Variants in APBB1IP observed in about 807,000 individuals in gnomAD.
APBB1IP encodes the protein amyloid beta A4 precursor protein-binding family B member 1-interacting protein.
In APBB1IP, 27 loss-of-function variants were observed where a neutral mutation model predicts 64.9. The observed-to-expected ratio is 0.42, with a 90% CI of 0.31 to 0.57. APBB1IP has a LOEUF of 0.57. Among genes scored for constraint, APBB1IP ranks in the 20% least tolerant of loss-of-function variants. The pLI is 0.20. For missense variants in APBB1IP, 812 were observed against 845.5 expected (o/e 0.96, Z 0.49); for synonymous variants, 392 against 331.0 (o/e 1.18, Z -2.00).
intron 11 of APBB1IP, among the ~76,000 whole-genome samples, chr10:26,551,002 A>G (rs1209953893): frequency 5.9e-5 from 9 of 152,226 alleles, no homozygotes; most frequent in Admixed American, 5.9e-4. Context: ...TTCAAACTGC[A>G]TGGGCCCTGG....
At chr10:26,459,540 T>G (rs980153286) in intron 2 of APBB1IP, among the ~76,000 whole-genome samples, 18 of 152,186 alleles carry the variant, frequency 1.2e-4, no homozygotes, top group African/African-American at 4.1e-4. Context: ...TTGAACTAGT[T>G]TACAGTCCCA....
chr10:26,466,637 C>T (rs935058938), intron 2 of APBB1IP, among the ~76,000 whole-genome samples: 2 of 152,054 alleles, frequency 1.3e-5, no homozygotes, highest in African/African-American at 4.8e-5. Flanking sequence ...CTCGGCCCCA[C>T]AAAAAATTTA....
chr10:26,442,405 G>C (rs924286105), intron 2 of APBB1IP, among the ~76,000 whole-genome samples: 1 of 152,202 alleles, frequency 6.6e-6, no homozygotes, highest in African/African-American at 2.4e-5. Flanking sequence ...AGCAAGCAGT[G>C]AGTTTAATAT....
chr10:26,445,455 T>C (rs60347004), intron 2 of APBB1IP, among the ~76,000 whole-genome samples: 4,688 of 150,872 alleles, frequency 0.031, 234 homozygotes, highest in African/African-American at 0.11. Flanking sequence ...CTTGCTGTGT[T>C]GCCCAGGCTG....
chr10:26,498,825 A>G (rs1179888723), intron 4 of APBB1IP, among the ~76,000 whole-genome samples: 2 of 152,260 alleles, frequency 1.3e-5, no homozygotes, highest in East Asian at 1.9e-4. Context: ...GAATCAAGAT[A>G]TACACATGTG....
At chr10:26,541,841 A>C (rs537714588) in intron 11 of APBB1IP, 149 bp downstream of exon 11, 2 of 552,476 alleles carry the variant, frequency 3.6e-6, no homozygotes, top group East Asian at 3.3e-5. Flanking sequence ...ATTTCTATCA[A>C]TTTGGGACAT....
chr10:26,512,814 G>A (rs776398292), intron 7 of APBB1IP, among the ~76,000 whole-genome samples: 1 of 152,174 alleles, frequency 6.6e-6, no homozygotes, highest in Non-Finnish European at 1.5e-5. Context: ...AGCTGGGTGG[G>A]ACGGAGAATT....
intron 2 of APBB1IP, among the ~76,000 whole-genome samples, chr10:26,466,217 G>C (rs1442372891): frequency 6.6e-6 from 1 of 152,126 alleles, no homozygotes; most frequent in Admixed American, 6.6e-5. Context: ...CGAGGCAGCT[G>C]GGCTTCCAGA....
chr10:26,565,899 C>G (rs1223790705), intron 14 of APBB1IP, among the ~76,000 whole-genome samples: 1 of 152,186 alleles, frequency 6.6e-6, no homozygotes, highest in Non-Finnish European at 1.5e-5. Flanking sequence ...GGGAACTACT[C>G]TGTCCTTGGT....
chr10:26,556,686 C>T (rs1836898635), intron 11 of APBB1IP, among the ~76,000 whole-genome samples: 2 of 152,302 alleles, frequency 1.3e-5, no homozygotes, highest in East Asian at 1.9e-4. Context: ...GTTGCAAACA[C>T]GATGAGATTT....
At chr10:26,535,922 A>G in intron 9 of APBB1IP, 152 bp from the exon 10 acceptor site, 1 of 709,804 alleles carries the variant, frequency 1.4e-6, no homozygotes. Flanking sequence ...TCTTCTGGCA[A>G]ATAGCATATA....
intron 11 of APBB1IP, among the ~76,000 whole-genome samples, chr10:26,551,832 C>T (rs1836834346): frequency 6.6e-6 from 1 of 152,024 alleles, no homozygotes; most frequent in African/African-American, 2.4e-5. Flanking sequence ...CTATTGTGTT[C>T]CAGAGCTTGG....
intron 8 of APBB1IP, among the ~76,000 whole-genome samples, chr10:26,516,526 A>G (rs548270845): frequency 2.2e-4 from 28 of 124,958 alleles, no homozygotes; most frequent in African/African-American, 7.6e-4. Context: ...CCTGGGTGAC[A>G]GAGCAAGACT....
At chr10:26,485,516 C>T (rs149939129) in intron 2 of APBB1IP, among the ~76,000 whole-genome samples, 1 of 152,342 alleles carries the variant, frequency 6.6e-6, no homozygotes, top group East Asian at 1.9e-4. Flanking sequence ...TTAATAACAA[C>T]TCCCAGTTTT....
At chr10:26,501,496 T>C (rs1836099532) in intron 5 of APBB1IP, 1 of 314,628 alleles carries the variant, frequency 3.2e-6, no homozygotes, top group East Asian at 5.2e-5. Context: ...TCATTATACA[T>C]TTTCTGAGTA....
intron 9 of APBB1IP, among the ~76,000 whole-genome samples, chr10:26,534,068 G>A (rs1332268431): frequency 6.6e-6 from 1 of 151,742 alleles, no homozygotes; most frequent in Non-Finnish European, 1.5e-5. Context: ...CCATACAGAT[G>A]TCTATGATGA....
intron 2 of APBB1IP, among the ~76,000 whole-genome samples, chr10:26,483,194 A>G (rs919421139): frequency 2.6e-5 from 4 of 151,772 alleles, no homozygotes; most frequent in Non-Finnish European, 5.9e-5. Flanking sequence ...AGATAAATTC[A>G]TTGAAGAGAA....
At position 26,514,362 on chromosome 10, in the gene APBB1IP, T is replaced by C. The variant is rs551857738; in HGVS notation, c.813+702T>C. The stretch of plus-strand genomic sequence containing the variant: ...TTTCTTTGTTGTTTGTATTTGGTGC[T>C]TATATTTGCTAGGAAAACTAAAAGG... On this transcript the variant is annotated intron_variant, in intron 8 of 14. Coordinates refer to ENST00000376236, the MANE Select transcript of APBB1IP (RefSeq NM_019043.4). Among the ~76,000 whole-genome samples, 22 of 152,336 alleles carry C rather than the reference T, an allele frequency of 1.4e-4. No individual in the cohort carries two copies. The South Asian group carries it at 4.1e-3, about 29-fold the overall frequency.
At chr10:26,557,637 G>A (rs1836910371) in intron 11 of APBB1IP, among the ~76,000 whole-genome samples, 1 of 152,162 alleles carries the variant, frequency 6.6e-6, no homozygotes, top group African/African-American at 2.4e-5. Flanking sequence ...TCACAGGGAG[G>A]AATATATAGT....
Sources: gnomAD v4.1 joint callset for allele counts (sites outside exome capture counted in the v4.1 genomes callset) on GRCh38, gnomAD v4.1.1 for gene constraint, MANE v1.5 for transcripts, NCBI Gene and HGNC (gene_info 2026-07-23, HGNC 2026-07-21) for gene names.